Variants in RBFOX3 observed in about 807,000 individuals in gnomAD.
RBFOX3 encodes the protein RNA binding fox-1 homolog 3, also known as RNA binding protein fox-1 homolog 3.
Under a neutral mutation model 48.7 loss-of-function variants are expected in RBFOX3, and 17 were observed. The ratio of observed to expected loss-of-function variants is 0.35; its 90% CI spans 0.24 to 0.52. The LOEUF is 0.52. RBFOX3 is among the 20% of genes least tolerant of loss of function. RBFOX3 has a pLI of 0.94. For synonymous variants in RBFOX3, 212 were observed against 209.5 expected (o/e 1.01, Z -0.10); for missense variants, 382 against 497.5 (o/e 0.77, Z 2.21).
intron 3 of RBFOX3, among the ~76,000 whole-genome samples, chr17:79,277,318 C>T (rs1162892198): frequency 6.6e-6 from 1 of 150,536 alleles, no homozygotes; most frequent in Non-Finnish European, 1.5e-5. Context: ...GGGGGTAGTG[C>T]TGCTCGACTG....
the RBFOX3 span, among the ~76,000 whole-genome samples, chr17:79,632,306 G>A: frequency 2.7e-3 from 404 of 152,244 alleles, 1 homozygote; most frequent in African/African-American, 9.2e-3. Context: ...GGGTGGGGCC[G>A]GGGATGTGCT....
intron 2 of RBFOX3, among the ~76,000 whole-genome samples, chr17:79,309,636 T>C (rs1598199353): frequency 6.6e-6 from 1 of 152,264 alleles, no homozygotes; most frequent in Non-Finnish European, 1.5e-5. Flanking sequence ...GTGGCTTGAC[T>C]CTGTGTCCCC....
chr17:79,439,444 G>A (rs528327720), intron 2 of RBFOX3, among the ~76,000 whole-genome samples: 1 of 152,198 alleles, frequency 6.6e-6, no homozygotes, highest in Non-Finnish European at 1.5e-5. Flanking sequence ...TCCCCTAAAG[G>A]CTCCATCCAA....
At chr17:79,345,344 G>C (rs1162318849) in intron 2 of RBFOX3, among the ~76,000 whole-genome samples, 1 of 152,108 alleles carries the variant, frequency 6.6e-6, no homozygotes, top group Non-Finnish European at 1.5e-5. Context: ...TTGGTAATTT[G>C]TCTTTTGTTT....
At chr17:79,218,362 A>G (rs879212364) in intron 4 of RBFOX3, among the ~76,000 whole-genome samples, 2 of 152,184 alleles carry the variant, frequency 1.3e-5, no homozygotes, top group Admixed American at 6.5e-5. Context: ...TGCAAATCCC[A>G]GCTTGGAAGT....
At chr17:79,186,707 A>C (rs1357338600) in intron 4 of RBFOX3, among the ~76,000 whole-genome samples, 1 of 152,148 alleles carries the variant, frequency 6.6e-6, no homozygotes, top group Non-Finnish European at 1.5e-5. Flanking sequence ...AAAATACCCC[A>C]TTCGCCCTGA....
At chr17:79,374,603 C>T (rs963810509) in intron 2 of RBFOX3, among the ~76,000 whole-genome samples, 1 of 152,226 alleles carries the variant, frequency 6.6e-6, no homozygotes, top group African/African-American at 2.4e-5. Context: ...CCCAGGTACA[C>T]GCAGCGAGGT....
In RBFOX3 at chr17:79,477,511, G is replaced by A. The variant is rs1339685645; in HGVS notation, c.-175+4943C>T. 2.1e-4 allele frequency among the ~76,000 whole-genome samples: 32 copies of A among 151,824 alleles called. No homozygotes were observed. Among genetic ancestry groups the A allele is most frequent in the South Asian group, 8.3e-4 (4 of 4,810 alleles). ...GCGGAGTTTGCAGTGAGCTGAGATC[G>A]CCCCATCGCACTCCAGCCTGGGCGA... On this transcript the variant is annotated intron_variant, in intron 2 of 14. Transcript: ENST00000693108. The surrounding 1 kb of genome is among the most constrained non-coding windows in gnomAD (Gnocchi z 4.8).
intron 2 of RBFOX3, among the ~76,000 whole-genome samples, chr17:79,383,031 A>ACACACACACAC (rs2060118021): frequency 3.5e-5 from 5 of 141,302 alleles, no homozygotes; most frequent in South Asian, 2.3e-4. Context: ...CTGCCTCTCA[A>ACACACACACAC]ACACACACAC....
chr17:79,397,707 C>A (rs999465673), intron 2 of RBFOX3, among the ~76,000 whole-genome samples: 4 of 152,142 alleles, frequency 2.6e-5, no homozygotes, highest in African/African-American at 4.8e-5. Context: ...TGAGATAAAC[C>A]AGCTGCATCA....
At chr17:79,513,272 C>T (rs1422825024) in intron 1 of RBFOX3, among the ~76,000 whole-genome samples, 6 of 152,086 alleles carry the variant, frequency 3.9e-5, no homozygotes, top group Admixed American at 6.5e-5. Context: ...GACACACACC[C>T]GAATGCATGT....
At chr17:79,620,220 G>C in the RBFOX3 span, among the ~76,000 whole-genome samples, 84 of 104,232 alleles carry the variant, frequency 8.1e-4, no homozygotes, top group African/African-American at 2.7e-3. Flanking sequence ...CACACACAGG[G>C]ACATGCACAC....
At chr17:79,572,009 C>G (rs1350579680) in intron 1 of RBFOX3, among the ~76,000 whole-genome samples, 1 of 152,194 alleles carries the variant, frequency 6.6e-6, no homozygotes, top group Non-Finnish European at 1.5e-5. Flanking sequence ...GCAGACACTA[C>G]CTGGTGCTAA....
At chr17:79,192,825 A>G (rs1480125610) in intron 4 of RBFOX3, among the ~76,000 whole-genome samples, 1 of 152,122 alleles carries the variant, frequency 6.6e-6, no homozygotes, top group Non-Finnish European at 1.5e-5. Context: ...GCCACCTTTT[A>G]CCAAAACATC....
intron 4 of RBFOX3, among the ~76,000 whole-genome samples, chr17:79,193,879 T>C (rs1022584672): frequency 3.3e-5 from 5 of 151,702 alleles, no homozygotes; most frequent in Non-Finnish European, 7.4e-5. Flanking sequence ...GGAAGGTGGC[T>C]GGAAACCACT....
rs933739783 is a variant in RBFOX3 at position 79,479,651 on chromosome 17, A to G, written c.-175+2803T>C. Among the ~76,000 whole-genome samples the G allele has an allele frequency of 6.6e-6, 1 of 152,230 alleles. No homozygotes were observed. Among genetic ancestry groups the G allele is most frequent in the Non-Finnish European group, 1.5e-5 (1 of 68,030 alleles). On this transcript the variant is annotated intron_variant, in intron 2 of 14. Coordinates refer to ENST00000693108, the MANE Select transcript of RBFOX3 (RefSeq NM_001350451.2). This position sits in a 1 kb window ranked among gnomAD's most constrained non-coding sequence, Gnocchi z 5.1. The stretch of plus-strand genomic sequence containing the variant: ...TGACCCCACCAACCCTGGACTTCCC[A>G]GACGCTCCCTCGGGGGTGGGCTGGT...
chr17:79,160,019 G>A (rs891735841), intron 4 of RBFOX3, among the ~76,000 whole-genome samples: 4 of 152,226 alleles, frequency 2.6e-5, no homozygotes, highest in Admixed American at 2.0e-4. Context: ...TCTGCTCAGG[G>A]CCTCCCTGGC....
intron 2 of RBFOX3, among the ~76,000 whole-genome samples, chr17:79,365,728 C>T (rs929217695): frequency 1.3e-5 from 2 of 152,250 alleles, no homozygotes; most frequent in Non-Finnish European, 2.9e-5. Flanking sequence ...AATAGTTTTA[C>T]CCCATATTCT....
chr17:79,270,803 GC>G (rs2067530306), intron 3 of RBFOX3, among the ~76,000 whole-genome samples: 2 of 152,228 alleles, frequency 1.3e-5, no homozygotes, highest in Admixed American at 1.3e-4. Flanking sequence ...AACAGGCTTT[GC>G]CCACTGGCAT....
Sources: gnomAD v4.1 joint callset for allele counts (sites outside exome capture counted in the v4.1 genomes callset) on GRCh38, gnomAD v4.1.1 for gene constraint, Gnocchi (gnomAD v3.1) non-coding constraint, MANE v1.5 for transcripts, NCBI Gene and HGNC (gene_info 2026-07-23, HGNC 2026-07-21) for gene names.